Variants in SORCS2 observed in about 807,000 individuals in gnomAD.
SORCS2 encodes the protein VPS10 domain-containing receptor SorCS2.
A neutral mutation model predicts 141.6 loss-of-function variants in SORCS2; 100 were observed. The ratio of observed to expected loss-of-function variants is 0.71; its 90% CI spans 0.60 to 0.83. The LOEUF (loss-of-function observed/expected upper bound fraction) is 0.83. Among genes scored for constraint, SORCS2 ranks in the 40% least tolerant of loss-of-function variants. The pLI, the probability that SORCS2 is intolerant of heterozygous loss-of-function variation, is 0.00. For synonymous variants in SORCS2, 789 were observed against 676.9 expected, an observed-to-expected ratio of 1.17 and a Z score of -2.57; for missense variants, 1,646 against 1,560.2, an observed-to-expected ratio of 1.05 and a Z score of -0.93.
chr4:7,429,785 C>A (rs755046168), intron 2 of SORCS2, among the ~76,000 whole-genome samples: 1 of 152,206 alleles, frequency 6.6e-6, no homozygotes, highest in African/African-American at 2.4e-5. Flanking sequence ...AGAGAACACA[C>A]GCCCTGAGCC....
intron 1 of SORCS2, among the ~76,000 whole-genome samples, chr4:7,357,757 G>A (rs766033273): frequency 2.0e-5 from 3 of 152,184 alleles, no homozygotes; most frequent in Non-Finnish European, 4.4e-5. Context: ...CCTGGCTGGG[G>A]AATGAATGCT....
chr4:7,263,977 C>T (rs545756310), intron 1 of SORCS2, among the ~76,000 whole-genome samples: 1 of 152,290 alleles, frequency 6.6e-6, no homozygotes, highest in Admixed American at 6.5e-5. Context: ...CTCATTCATT[C>T]ACTCCCTCTC....
chr4:7,412,279 C>A (rs1260401194), intron 2 of SORCS2, among the ~76,000 whole-genome samples: 2 of 152,224 alleles, frequency 1.3e-5, no homozygotes, highest in South Asian at 4.1e-4. Flanking sequence ...GATGGCCACC[C>A]CCTGGAGTTA....
intron 2 of SORCS2, among the ~76,000 whole-genome samples, chr4:7,491,130 C>G (rs1731292815): frequency 6.6e-6 from 1 of 152,212 alleles, no homozygotes; most frequent in Admixed American, 6.5e-5. Flanking sequence ...CTCCCCTCCT[C>G]CAGTTCTAAG....
intron 1 of SORCS2, among the ~76,000 whole-genome samples, chr4:7,387,798 T>A (rs12510840): frequency 0.96 from 133,104 of 139,134 alleles, 63,675 homozygotes; most frequent in East Asian, 1. Context: ...ACATGCATGC[T>A]CACATGCACA....
chr4:7,349,617 C>T (rs182016687), intron 1 of SORCS2, among the ~76,000 whole-genome samples: 256 of 152,286 alleles, frequency 1.7e-3, no homozygotes, highest in Admixed American at 5.1e-3. Context: ...TCCTTCGCCA[C>T]CCAGTGAGGG....
intron 1 of SORCS2, among the ~76,000 whole-genome samples, chr4:7,384,363 T>C (rs531607029): frequency 6.6e-5 from 10 of 152,294 alleles, no homozygotes; most frequent in African/African-American, 2.2e-4. Flanking sequence ...TTTATTTTAA[T>C]GAGACGGTGA....
intron 3 of SORCS2, among the ~76,000 whole-genome samples, chr4:7,559,755 T>C (rs1045613323): frequency 1.7e-4 from 26 of 152,302 alleles, no homozygotes; most frequent in African/African-American, 6.3e-4. Context: ...TGACAATAGT[T>C]TCCCCCTCCG....
At chr4:7,307,898 G>A (rs1717938475) in intron 1 of SORCS2, among the ~76,000 whole-genome samples, 1 of 151,974 alleles carries the variant, frequency 6.6e-6, no homozygotes, top group African/African-American at 2.4e-5. Flanking sequence ...TTGTGTATAT[G>A]TCTGTGCATG....
intron 3 of SORCS2, among the ~76,000 whole-genome samples, chr4:7,594,363 C>T (rs941240617): frequency 5.9e-5 from 9 of 152,334 alleles, no homozygotes; most frequent in African/African-American, 2.2e-4. Context: ...TTGGAAATTA[C>T]AGAATGGATG....
At position 7,740,438 on chromosome 4, in the gene SORCS2, G is replaced by A. The variant is rs1712574048; in HGVS notation, c.*174G>A. ...AATCCAAGCCCGCCCAGGCCCACGG[G>A]GGGCCCACGGGACCCCCCGGGACTC... is the stretch of plus-strand genomic sequence containing the variant. On this transcript the variant is annotated 3_prime_UTR_variant, in exon 27 of 27. Transcript: ENST00000507866. 3.2e-6 allele frequency: 2 copies of A among 618,306 alleles called. No individual in the cohort carries two copies. Among genetic ancestry groups the A allele is most frequent in the Admixed American group, 5.5e-5 (2 of 36,466 alleles). The allele number at this position is 618,306 out of a possible 1,614,324, so 38.3% of individuals were successfully genotyped here.
chr4:7,577,367 G>T (rs1455331367), intron 3 of SORCS2, among the ~76,000 whole-genome samples: 1 of 152,218 alleles, frequency 6.6e-6, no homozygotes. Flanking sequence ...AGTCAGGTGG[G>T]TGTACAGATG....
chr4:7,277,396 G>A (rs916631543), intron 1 of SORCS2, among the ~76,000 whole-genome samples: 1 of 152,208 alleles, frequency 6.6e-6, no homozygotes, highest in Non-Finnish European at 1.5e-5. Flanking sequence ...GTGTGTTTGT[G>A]TGTGTGTGCA....
At chr4:7,424,942 G>A (rs1284890721) in intron 2 of SORCS2, among the ~76,000 whole-genome samples, 1 of 152,240 alleles carries the variant, frequency 6.6e-6, no homozygotes, top group Non-Finnish European at 1.5e-5. Context: ...ACTGGCATGG[G>A]TGCTGTGCCC....
intron 8 of SORCS2, among the ~76,000 whole-genome samples, chr4:7,670,280 T>G (rs757223865): frequency 4.7e-4 from 72 of 152,372 alleles, no homozygotes; most frequent in South Asian, 1.0e-3. Context: ...CGTTTTTATA[T>G]TTGTCAATAT....
chr4:7,558,154 C>A (rs1341174613), intron 3 of SORCS2, among the ~76,000 whole-genome samples: 1 of 152,162 alleles, frequency 6.6e-6, no homozygotes, highest in Non-Finnish European at 1.5e-5. Context: ...TTCAAGTGGC[C>A]AAGGTGTCCA....
At chr4:7,351,683 GTCCA>G (rs532161913) in intron 1 of SORCS2, among the ~76,000 whole-genome samples, 218 of 139,796 alleles carry the variant, frequency 1.6e-3, no homozygotes, top group African/African-American at 5.0e-3. Flanking sequence ...TCTTCCATCC[GTCCA>G]TCCATCCATC....
chr4:7,272,658 G>A (rs1715221466), intron 1 of SORCS2, among the ~76,000 whole-genome samples: 1 of 152,216 alleles, frequency 6.6e-6, no homozygotes, highest in African/African-American at 2.4e-5. Flanking sequence ...CAGGGGAGTG[G>A]GGCACCCCAC....
intron 4 of SORCS2, among the ~76,000 whole-genome samples, chr4:7,640,475 TGTGAGA>T (rs1029788732): frequency 2.0e-5 from 2 of 98,858 alleles, no homozygotes; most frequent in Non-Finnish European, 4.2e-5. Flanking sequence ...TGTGTGTGTG[TGTGAGA>T]GAGAGCCTAT....
Sources: gnomAD v4.1 joint callset for allele counts (sites outside exome capture counted in the v4.1 genomes callset) on GRCh38, gnomAD v4.1.1 for gene constraint, MANE v1.5 for transcripts, NCBI Gene and HGNC (gene_info 2026-07-23, HGNC 2026-07-21) for gene names.